Variants in PLSCR2 observed in about 807,000 individuals in gnomAD.
PLSCR2 encodes the protein phospholipid scramblase 2, also known as PL scramblase 2.
A neutral mutation model predicts 25.3 loss-of-function variants in PLSCR2; 18 were observed. The observed-to-expected ratio is 0.71, with a 90% CI of 0.49 to 1.06. The LOEUF (loss-of-function observed/expected upper bound fraction) is 1.06. Among genes scored for constraint, PLSCR2 ranks in the 50% least tolerant of loss-of-function variants. PLSCR2 has a pLI of 0.00. For synonymous variants in PLSCR2, 88 were observed against 87.3 expected, an observed-to-expected ratio of 1.01 and a Z score of -0.04; for missense variants, 243 against 269.5, an observed-to-expected ratio of 0.90 and a Z score of 0.69.
intron 1 of PLSCR2, among the ~76,000 whole-genome samples, chr3:146,476,737 G>C (rs908905092): frequency 2.6e-5 from 4 of 152,224 alleles, no homozygotes; most frequent in African/African-American, 9.6e-5. Context: ...AGCTGTGGCA[G>C]ATCACGACCA....
chr3:146,477,871 G>T (rs1326019065), intron 1 of PLSCR2, among the ~76,000 whole-genome samples: 1 of 152,132 alleles, frequency 6.6e-6, no homozygotes, highest in Non-Finnish European at 1.5e-5. Flanking sequence ...TGCCCCTCTG[G>T]GATGAAGCTT....
chr3:146,399,298 C>T (rs933835015), intron 2 of PLSCR2, among the ~76,000 whole-genome samples: 2 of 151,716 alleles, frequency 1.3e-5, no homozygotes, highest in African/African-American at 4.8e-5. Context: ...TCAACAGAGA[C>T]TTGTTGAATA....
intron 2 of PLSCR2, among the ~76,000 whole-genome samples, chr3:146,427,492 C>A (rs1318282621): frequency 6.6e-6 from 1 of 152,166 alleles, no homozygotes; most frequent in Non-Finnish European, 1.5e-5. Context: ...CAAGGCACTG[C>A]ATTATCTAGC....
intron 5 of PLSCR2, among the ~76,000 whole-genome samples, chr3:146,451,139 A>T (rs1400024085): frequency 8.0e-6 from 1 of 125,278 alleles, no homozygotes; most frequent in African/African-American, 3.0e-5. Flanking sequence ...TTTGAGACGA[A>T]GTCTTGCTCT....
At chr3:146,461,272 G>T (rs936208098), upstream of PLSCR2, among the ~76,000 whole-genome samples, 3 of 152,094 alleles carry the variant, frequency 2.0e-5, no homozygotes, top group Admixed American at 2.0e-4. Context: ...CATTTAAGTG[G>T]AACACTGGTG....
rs143923870 is a variant in PLSCR2 at position 146,434,827 on chromosome 3, T to A, written c.*35-1310A>T. ...AGGGTACATGTGCACAATGTGCAGG[T>A]TTGTTACATATGTATACATGAGCCA... On this transcript the variant is annotated intron_variant, in intron 8 of 8. Transcript: ENST00000336685. Among the ~76,000 whole-genome samples the A allele has an allele frequency of 4.0e-3, 604 of 152,170 alleles. 5 individuals carry two copies. The highest frequency in any genetic ancestry group is 0.013 in the African/African-American group (547 of 41,528).
downstream of PLSCR2, among the ~76,000 whole-genome samples, chr3:146,439,134 C>T (rs1473851713): frequency 6.6e-6 from 1 of 152,256 alleles, no homozygotes; most frequent in Non-Finnish European, 1.5e-5. Context: ...GAGTTTCTGC[C>T]GAGAGATCTG....
intron 1 of PLSCR2, among the ~76,000 whole-genome samples, chr3:146,481,581 G>A (rs2043131784): frequency 6.6e-6 from 1 of 152,166 alleles, no homozygotes; most frequent in Admixed American, 6.5e-5. Flanking sequence ...AATAAGACAG[G>A]ACACAAACAA....
exon 1 of PLSCR2, chr3:146,495,910 GA>G: frequency 6.5e-7 from 1 of 1,535,632 alleles, no homozygotes; most frequent in South Asian, 1.2e-5. Context: ...AGGTGAATTT[GA>G]AAAGGCTTCA....
chr3:146,425,206 A>G (rs1276042619), intron 2 of PLSCR2, among the ~76,000 whole-genome samples: 2 of 152,120 alleles, frequency 1.3e-5, no homozygotes, highest in Non-Finnish European at 2.9e-5. Flanking sequence ...ATCCCCTGAA[A>G]TGAATGACAT....
At chr3:146,482,789 A>T (rs955380232) in intron 1 of PLSCR2, among the ~76,000 whole-genome samples, 6 of 152,192 alleles carry the variant, frequency 3.9e-5, no homozygotes, top group African/African-American at 1.4e-4. Context: ...TATTTATTGC[A>T]GCACTATTCA....
intron 2 of PLSCR2, among the ~76,000 whole-genome samples, chr3:146,425,656 A>G (rs1346973150): frequency 6.6e-6 from 1 of 152,184 alleles, no homozygotes; most frequent in Non-Finnish European, 1.5e-5. Flanking sequence ...TAGCTGTTTC[A>G]TATAAATATG....
chr3:146,421,619 T>C (rs540635920), intron 2 of PLSCR2, among the ~76,000 whole-genome samples: 4 of 152,178 alleles, frequency 2.6e-5, no homozygotes, highest in African/African-American at 9.6e-5. Context: ...CTCTCAAAGT[T>C]GCTGTTAGGA....
At chr3:146,450,630 C>T (rs935273345) in intron 5 of PLSCR2, among the ~76,000 whole-genome samples, 4 of 152,186 alleles carry the variant, frequency 2.6e-5, no homozygotes, top group Admixed American at 6.5e-5. Context: ...AGAAAAGCAT[C>T]GTCTAGGTAG....
At chr3:146,430,839 C>G (rs1443446854), downstream of PLSCR2, among the ~76,000 whole-genome samples, 1 of 151,760 alleles carries the variant, frequency 6.6e-6, no homozygotes, top group Non-Finnish European at 1.5e-5. Flanking sequence ...TTATTCTCCC[C>G]CTTCCCCACT....
intron 2 of PLSCR2, chr3:146,414,994 A>T (rs903573740): frequency 1.7e-4 from 26 of 152,702 alleles, no homozygotes; most frequent in African/African-American, 6.0e-4. Context: ...CCTTCTACAC[A>T]TTCTCTTCAG....
chr3:146,495,202 T>C (rs1489039592), intron 1 of PLSCR2, among the ~76,000 whole-genome samples: 1 of 152,196 alleles, frequency 6.6e-6, no homozygotes, highest in Non-Finnish European at 1.5e-5. Flanking sequence ...ACACTCCAAC[T>C]ATGGCATTCG....
chr3:146,455,213 A>G, intron 4 of PLSCR2, 26 bp downstream of exon 4: 1 of 1,478,948 alleles, frequency 6.8e-7, no homozygotes, highest in Non-Finnish European at 9.5e-7. Flanking sequence ...CTACTTTATG[A>G]AAAGCTCTAG....
chr3:146,399,048 G>A (rs1559967396), intron 2 of PLSCR2, among the ~76,000 whole-genome samples: 1 of 151,830 alleles, frequency 6.6e-6, no homozygotes, highest in Non-Finnish European at 1.5e-5. Context: ...TGCTTGAAAT[G>A]TGAACAAATC....
Sources: allele counts gnomAD v4.1 joint callset (sites outside exome capture counted in the v4.1 genomes callset), GRCh38; gene constraint gnomAD v4.1.1; transcripts MANE v1.5; gene names NCBI Gene and HGNC (gene_info 2026-07-23, HGNC 2026-07-21).